The following GRTP1 variants were observed in gnomAD, a reference collection of about 807,000 sequenced individuals.
The protein encoded by GRTP1 is growth hormone regulated TBC protein 1, also known as growth hormone-regulated TBC protein 1.
Under a neutral mutation model 38.1 loss-of-function variants are expected in GRTP1, and 56 were observed. The ratio of observed to expected loss-of-function variants is 1.47; its 90% CI spans 1.19 to 1.84. The LOEUF is 1.84. Ranked by LOEUF, GRTP1 falls within the 40% of genes most tolerant of loss-of-function variation. The pLI, the probability that GRTP1 is intolerant of heterozygous loss-of-function variation, is 0.00. For missense variants in GRTP1, 506 were observed against 453.9 expected (o/e 1.11, Z -1.04); for synonymous variants, 217 against 189.5 (o/e 1.14, Z -1.19).
At chr13:113,328,925 C>T (rs2042815437) in intron 5 of GRTP1, among the ~76,000 whole-genome samples, 1 of 149,528 alleles carries the variant, frequency 6.7e-6, no homozygotes. Context: ...CGCCCAGAAG[C>T]CTGATGCATC....
At chr13:113,327,600 A>G (rs554866958) in intron 5 of GRTP1, among the ~76,000 whole-genome samples, 57 of 152,234 alleles carry the variant, frequency 3.7e-4, no homozygotes, top group Admixed American at 8.5e-4. Context: ...AGTAAATACT[A>G]ACGCCTCTGA....
chr13:113,344,426 A>G (rs1199993740), intron 5 of GRTP1, among the ~76,000 whole-genome samples: 1 of 152,166 alleles, frequency 6.6e-6, no homozygotes, highest in East Asian at 1.9e-4. Context: ...CTGCAAAAAG[A>G]TTTTTGGCCA....
Position 113,325,803 on chromosome 13 carries a change from T to C in GRTP1, c.779A>G (p.Lys260Arg), listed in dbSNP as rs777299320. The C allele has an allele frequency of 5.0e-6, 8 of 1,614,012 alleles. No individual in the cohort carries two copies. Among genetic ancestry groups the C allele is most frequent in the Non-Finnish European group, 6.8e-6 (8 of 1,179,968 alleles). The change falls in exon 7 of 8, where the codon AAG becomes AGG. Residue 260 changes from lysine to arginine, a missense_variant. Coordinates refer to ENST00000375431, the MANE Select transcript of GRTP1 (RefSeq NM_024719.4). The stretch of plus-strand genomic sequence containing the variant: ...GGTCAGGGCCACCCGGAAGATAATC[T>C]TCGAGCCTTCGTTAAACAAACAGTC... ...IWDCLFNEGS[K>R]IIFRVALTLI... is the part of the protein sequence containing the mutation.
chr13:113,329,054 T>C (rs1012205269), intron 5 of GRTP1, among the ~76,000 whole-genome samples: 3 of 152,268 alleles, frequency 2.0e-5, no homozygotes, highest in Non-Finnish European at 2.9e-5. Flanking sequence ...CCACGCTTTA[T>C]GTCCCCCGAT....
chr13:113,345,990 G>A (rs1322606042), intron 4 of GRTP1, among the ~76,000 whole-genome samples: 1 of 151,132 alleles, frequency 6.6e-6, no homozygotes, highest in African/African-American at 2.4e-5. Flanking sequence ...TTGTGGCCGA[G>A]AGTGGACCCG....
rs1393771321 is a variant in GRTP1 at position 113,337,993 on chromosome 13, C to T, written c.562+6870G>A. Reference sequence around the variant, plus strand: ...CGAGTTGTTAAAACCTGACCTGCTTCCCTATTTTTCAGAGGAAACCAGGTC... The same window carrying T: ...CGAGTTGTTAAAACCTGACCTGCTTTCCTATTTTTCAGAGGAAACCAGGTC... On this transcript the variant is annotated intron_variant, in intron 5 of 7. Coordinates refer to ENST00000375431, the MANE Select transcript of GRTP1 (RefSeq NM_024719.4). Among the ~76,000 whole-genome samples the T allele has an allele frequency of 2.0e-5, 3 of 152,358 alleles. No individual in the cohort carries two copies. The East Asian group carries it at 5.8e-4, about 29-fold the overall frequency.
intron 3 of GRTP1, among the ~76,000 whole-genome samples, chr13:113,352,372 A>G (rs1451536927): frequency 7.8e-6 from 1 of 128,032 alleles, no homozygotes; most frequent in Non-Finnish European, 1.6e-5. Flanking sequence ...ATATATATAT[A>G]TATATTTATA....
At chr13:113,341,934 G>A (rs1472821997) in intron 5 of GRTP1, among the ~76,000 whole-genome samples, 2 of 152,018 alleles carry the variant, frequency 1.3e-5, no homozygotes, top group Non-Finnish European at 2.9e-5. Flanking sequence ...GATTATATGT[G>A]AGCTACTCTG....
At chr13:113,347,267 AGC>A in intron 4 of GRTP1, among the ~76,000 whole-genome samples, 1 of 68,922 alleles carries the variant, frequency 1.5e-5, no homozygotes, top group Admixed American at 1.4e-4. Context: ...TGTGGCTGAG[AGC>A]AGACCCGGGA....
intron 3 of GRTP1, among the ~76,000 whole-genome samples, chr13:113,352,298 ATATTTTATATATATTTTATATATATT>A (rs1566437711): frequency 1.6e-5 from 1 of 63,334 alleles, no homozygotes; most frequent in Non-Finnish European, 2.9e-5. Context: ...ATATTTATAT[ATATTTTATATATATTTTATATATATT>A]TTTATATATA....
chr13:113,324,605 C>A, intron 7 of GRTP1, 28 bp from the exon 8 acceptor site: 2 of 1,573,564 alleles, frequency 1.3e-6, no homozygotes, highest in East Asian at 2.4e-5. Flanking sequence ...AGTTTAAAAA[C>A]AAACCCAACA....
chr13:113,357,403 C>T (rs1344780319), intron 2 of GRTP1, among the ~76,000 whole-genome samples: 3 of 142,364 alleles, frequency 2.1e-5, no homozygotes, highest in Non-Finnish European at 4.5e-5. Context: ...CGAGATCACG[C>T]CGCTGCACTC....
At chr13:113,362,694 T>C (rs982802076) in intron 2 of GRTP1, among the ~76,000 whole-genome samples, 1 of 152,202 alleles carries the variant, frequency 6.6e-6, no homozygotes. Flanking sequence ...TTGGCTTCTC[T>C]GTGCCTGGCC....
chr13:113,341,833 G>C (rs893186992), intron 5 of GRTP1, among the ~76,000 whole-genome samples: 2 of 152,036 alleles, frequency 1.3e-5, no homozygotes, highest in African/African-American at 4.8e-5. Context: ...TTTATTTTTA[G>C]AGATGGGAGG....
intron 2 of GRTP1, among the ~76,000 whole-genome samples, chr13:113,361,079 C>T (rs1429994111): frequency 7.0e-6 from 1 of 142,808 alleles, no homozygotes; most frequent in Admixed American, 7.2e-5. Flanking sequence ...CACTACCCTC[C>T]AGCCAGGCTG....
chr13:113,346,106 GAA>G lies in GRTP1; in HGVS notation c.466-1149_466-1148del, dbSNP rs1213417441. Among the ~76,000 whole-genome samples the G allele has an allele frequency of 1.2e-4, 13 of 109,480 alleles. 2 individuals carry two copies. The highest frequency in any genetic ancestry group is 7.5e-4 in the Admixed American group (8 of 10,638). 71.8% of individuals were successfully genotyped at this position (109,480 alleles called of 152,430 possible). On this transcript the variant is annotated intron_variant, in intron 4 of 7. Coordinates refer to ENST00000375431, the MANE Select transcript of GRTP1 (RefSeq NM_024719.4). Reference sequence around the variant, plus strand: ...GACCTGGGAAGACATCTGTGGCCGAGAACAGACCCGGGAGGACCTCTGTGGAC... The same window carrying G: ...GACCTGGGAAGACATCTGTGGCCGAGCAGACCCGGGAGGACCTCTGTGGAC...
chr13:113,352,246 A>G (rs1340073310), intron 3 of GRTP1, among the ~76,000 whole-genome samples: 7 of 86,144 alleles, frequency 8.1e-5, no homozygotes, highest in African/African-American at 3.0e-4. Context: ...ATATATATTT[A>G]TATATATTTA....
At chr13:113,332,395 A>ACACACAGGTACACACGTGCACACGCACGC (rs1566417365) in intron 5 of GRTP1, among the ~76,000 whole-genome samples, 64 of 5,156 alleles carry the variant, frequency 0.012, 1 homozygote, top group African/African-American at 0.02. Context: ...CACGCACGCC[A>ACACACAGGTACACACGTGCACACGCACGC]CACACAGGTA....
rs1021374997 is a variant in GRTP1 at position 113,343,756 on chromosome 13, AC to A, written c.562+1106del. 1.3e-5 allele frequency among the ~76,000 whole-genome samples: 2 copies of A among 152,062 alleles called. No homozygotes were observed. The highest frequency in any genetic ancestry group is 2.4e-5 in the African/African-American group (1 of 41,404). ...CACCAGGCAGGAGCTGGAGCCACAC[AC>A]CCCCAGGCTCCAAACACTGGGGACT... On this transcript the variant is annotated intron_variant, in intron 5 of 7. Coordinates refer to ENST00000375431, the MANE Select transcript of GRTP1 (RefSeq NM_024719.4). This position sits in a 1 kb window ranked among gnomAD's most constrained non-coding sequence, Gnocchi z 4.8.
Sources: gnomAD v4.1 joint callset for allele counts (sites outside exome capture counted in the v4.1 genomes callset) on GRCh38, gnomAD v4.1.1 for gene constraint, Gnocchi (gnomAD v3.1) non-coding constraint, MANE v1.5 for transcripts, NCBI Gene and HGNC (gene_info 2026-07-23, HGNC 2026-07-21) for gene names.